Variants in CCR6 observed in about 807,000 individuals in gnomAD.
The protein encoded by CCR6 is C-C motif chemokine receptor 6.
CCR6 carries 2 observed loss-of-function variants against 3.0 expected under a neutral mutation model. The ratio of observed to expected loss-of-function variants is 0.66; its 90% confidence interval spans 0.27 to 2.07. CCR6 has a LOEUF of 2.07. CCR6 is among the 30% of genes most tolerant of loss of function. The pLI, the probability that CCR6 is intolerant of heterozygous loss-of-function variation, is 0.14. For synonymous variants in CCR6, 193 were observed against 184.3 expected, an observed-to-expected ratio of 1.05 and a Z score of -0.38; for missense variants, 322 against 462.8, an observed-to-expected ratio of 0.70 and a Z score of 2.79.
intron 1 of CCR6, among the ~76,000 whole-genome samples, chr6:167,131,876 G>A (rs923552113): frequency 6.6e-6 from 1 of 152,172 alleles, no homozygotes; most frequent in Non-Finnish European, 1.5e-5. Flanking sequence ...ACCGATTGAA[G>A]GGTACAATTC....
rs1234971985 is a variant in CCR6, at chr6:167,136,540, G to A, written c.310G>A (p.Val104Met). ...TGTTCTTACTCTCCCATTCTGGGCA[G>A]TGAGTCATGCCACCGGTGCGTGGGT... ...LFVLTLPFWA[V>M]SHATGAWVFS... is the part of the protein sequence containing the mutation. The change falls in exon 3 of 3, where the codon GTG becomes ATG. Residue 104 changes from valine to methionine, a missense_variant. Val to Met is a conservative substitution (Grantham distance 21). Coordinates refer to ENST00000341935, the MANE Select transcript of CCR6 (RefSeq NM_031409.4). The surrounding 1 kb of genome is among the most constrained non-coding windows in gnomAD (Gnocchi z 4.6). The A allele has an allele frequency of 5.6e-6, 9 of 1,595,352 alleles. No individual in the cohort carries two copies. Among genetic ancestry groups the A allele is most frequent in the Non-Finnish European group, 7.7e-6 (9 of 1,169,542 alleles).
chr6:167,129,742 G>A (rs183403686), intron 1 of CCR6, among the ~76,000 whole-genome samples: 4 of 151,766 alleles, frequency 2.6e-5, no homozygotes, highest in Non-Finnish European at 5.9e-5. Context: ...GAGACATGAT[G>A]AGTCTCTCAT....
intron 1 of CCR6, among the ~76,000 whole-genome samples, chr6:167,124,180 G>C (rs531944492): frequency 5.3e-5 from 8 of 150,906 alleles, no homozygotes; most frequent in African/African-American, 2.0e-4. Flanking sequence ...CATAACTAAA[G>C]CTATTCTTTA....
chr6:167,112,677 G>A (rs1281613126), intron 1 of CCR6, among the ~76,000 whole-genome samples: 1 of 152,150 alleles, frequency 6.6e-6, no homozygotes, highest in East Asian at 1.9e-4. Flanking sequence ...GGGAGGTTGG[G>A]ATGAACAAGG....
intron 1 of CCR6, among the ~76,000 whole-genome samples, chr6:167,134,744 G>A (rs985650044): frequency 2.6e-5 from 4 of 152,210 alleles, no homozygotes; most frequent in Admixed American, 2.6e-4. Flanking sequence ...CCCACGTGGT[G>A]CGAGAGCAGG....
chr6:167,136,638 G>A lies in CCR6; in HGVS notation c.408G>A (p.Leu136=). The change falls in exon 3 of 3, where the codon CTG becomes CTA. Residue 136 remains leucine (L), a synonymous_variant. Coordinates refer to ENST00000341935, the MANE Select transcript of CCR6 (RefSeq NM_031409.4). The surrounding 1 kb of genome is among the most constrained non-coding windows in gnomAD (Gnocchi z 4.6). The part of the protein sequence containing the change: ...AINFNCGMLL[L]TCISMDRYIA... ...ACTTTAACTGCGGGATGCTGCTCCTGACTTGCATTAGCATGGACCGGTACA... is the reference window on the plus strand; with the variant it reads ...ACTTTAACTGCGGGATGCTGCTCCTAACTTGCATTAGCATGGACCGGTACA... The A allele has an allele frequency of 6.2e-7, 1 of 1,614,086 alleles. No individual in the cohort carries two copies. Among genetic ancestry groups the A allele is most frequent in the Non-Finnish European group, 8.5e-7 (1 of 1,180,032 alleles).
intron 1 of CCR6, chr6:167,127,392 A>G (rs1357258110): frequency 6.6e-6 from 1 of 152,230 alleles, no homozygotes; most frequent in East Asian, 1.9e-4. Context: ...CTAGGGAAGG[A>G]TGTAGTTAGC....
At chr6:167,131,152 G>C (rs1430578259) in intron 1 of CCR6, 1 of 152,180 alleles carries the variant, frequency 6.6e-6, no homozygotes, top group Non-Finnish European at 1.5e-5. Flanking sequence ...GGTGCATCTC[G>C]TGATGACTGC....
chr6:167,125,137 C>G (rs1029015413), intron 1 of CCR6, among the ~76,000 whole-genome samples: 1 of 152,176 alleles, frequency 6.6e-6, no homozygotes, highest in Non-Finnish European at 1.5e-5. Context: ...CACACATACT[C>G]TTATTTAGTT....
chr6:167,136,556 G>A lies in CCR6; in HGVS notation c.326G>A (p.Gly109Asp), dbSNP rs1455627763. The change falls in exon 3 of 3, where the codon GGT becomes GAT. Residue 109 changes from glycine (G) to aspartate (D), a missense_variant. Transcript: ENST00000341935. This position sits in a 1 kb window ranked among gnomAD's most constrained non-coding sequence, Gnocchi z 4.6. ...TTCTGGGCAGTGAGTCATGCCACCG[G>A]TGCGTGGGTTTTCAGCAATGCCACG... ...LPFWAVSHAT[G>D]AWVFSNATCK... 4 of 1,602,368 alleles carry A rather than the reference G, an allele frequency of 2.5e-6. No homozygotes were observed. Among genetic ancestry groups the A allele is most frequent in the African/African-American group, 2.7e-5 (2 of 74,770 alleles).
chr6:167,126,883 C>G (rs1781676303), intron 1 of CCR6, among the ~76,000 whole-genome samples: 1 of 152,182 alleles, frequency 6.6e-6, no homozygotes, highest in Non-Finnish European at 1.5e-5. Context: ...CTTCTCCTTC[C>G]TGCCATCATG....
intron 1 of CCR6, among the ~76,000 whole-genome samples, chr6:167,112,311 C>T (rs76691437): frequency 1.2e-4 from 18 of 152,100 alleles, no homozygotes; most frequent in East Asian, 9.7e-4. Flanking sequence ...AGAGTTAGGG[C>T]GGTAAAGTCA....
At chr6:167,127,554 A>C (rs1277447184) in intron 1 of CCR6, among the ~76,000 whole-genome samples, 1 of 152,242 alleles carries the variant, frequency 6.6e-6, no homozygotes, top group East Asian at 1.9e-4. Context: ...TCCTAAATTG[A>C]AGTATGCATT....
intron 1 of CCR6, among the ~76,000 whole-genome samples, chr6:167,112,176 G>T (rs1781425474): frequency 6.6e-6 from 1 of 152,232 alleles, no homozygotes; most frequent in African/African-American, 2.4e-5. Flanking sequence ...ATCCCAAAAA[G>T]AAAGAAGAGA....
chr6:167,116,814 C>G (rs6927645), intron 1 of CCR6: 24,601 of 152,348 alleles, frequency 0.16, 2,921 homozygotes, highest in African/African-American at 0.33. Flanking sequence ...AGAGTGGCTG[C>G]TCTTCCTGCT....
chr6:167,112,445 A>G (rs1278614476), intron 1 of CCR6, among the ~76,000 whole-genome samples: 2 of 152,218 alleles, frequency 1.3e-5, no homozygotes, highest in African/African-American at 2.4e-5. Flanking sequence ...CACTCGAGAA[A>G]GAAGTATGGG....
At chr6:167,132,529 GTGTGTGTGTGTGTA>G in intron 1 of CCR6, among the ~76,000 whole-genome samples, 1 of 151,102 alleles carries the variant, frequency 6.6e-6, no homozygotes, top group South Asian at 2.1e-4. Context: ...GTGTGTGTCT[GTGTGTGTGTGTGTA>G]TGTGTGTGTG....
At chr6:167,128,714 G>C (rs1467590538) in intron 1 of CCR6, among the ~76,000 whole-genome samples, 4 of 152,276 alleles carry the variant, frequency 2.6e-5, no homozygotes, top group African/African-American at 7.2e-5. Flanking sequence ...TGGGATTACA[G>C]ATGTGTGCCA....
intron 1 of CCR6, among the ~76,000 whole-genome samples, chr6:167,113,572 G>C (rs966587998): frequency 6.6e-6 from 1 of 152,244 alleles, no homozygotes; most frequent in African/African-American, 2.4e-5. Flanking sequence ...CACGTCCCCA[G>C]CGGCTCCACG....
Sources: gnomAD v4.1 joint callset for allele counts (sites outside exome capture counted in the v4.1 genomes callset) on GRCh38, gnomAD v4.1.1 for gene constraint, Gnocchi (gnomAD v3.1) non-coding constraint, MANE v1.5 for transcripts, NCBI Gene and HGNC (gene_info 2026-07-23, HGNC 2026-07-21) for gene names.